Variants in CERK observed in about 807,000 individuals in gnomAD.
CERK encodes the protein ceramide kinase.
A neutral mutation model predicts 63.4 loss-of-function variants in CERK; 39 were observed. The ratio of observed to expected loss-of-function variants is 0.61; its 90% CI spans 0.48 to 0.80. The LOEUF is 0.80. Ranked by LOEUF, CERK falls within the 30% of genes least tolerant of loss-of-function variation. The pLI, the probability that CERK is intolerant of heterozygous loss-of-function variation, is 0.00. For missense variants in CERK, 670 were observed against 714.1 expected (o/e 0.94, Z 0.70); for synonymous variants, 302 against 280.0 (o/e 1.08, Z -0.78).
At chr22:46,717,995 C>T (rs553808380) in intron 3 of CERK, among the ~76,000 whole-genome samples, 2 of 152,032 alleles carry the variant, frequency 1.3e-5, no homozygotes, top group South Asian at 2.1e-4. Context: ...ACAGGAGAAT[C>T]GCTTGAACCC....
intron 8 of CERK, among the ~76,000 whole-genome samples, chr22:46,697,844 A>T (rs1024744143): frequency 2.0e-5 from 3 of 152,208 alleles, no homozygotes; most frequent in Non-Finnish European, 4.4e-5. Flanking sequence ...TCCAGCGTTT[A>T]AAAGCTGGTG....
chr22:46,722,931 C>T (rs532705969), intron 1 of CERK, among the ~76,000 whole-genome samples: 2 of 152,038 alleles, frequency 1.3e-5, no homozygotes, highest in African/African-American at 2.4e-5. Context: ...AGGAAGGCGA[C>T]GTAGGGGCAG....
intron 1 of CERK, among the ~76,000 whole-genome samples, chr22:46,731,997 G>A (rs1223898162): frequency 1.3e-5 from 2 of 152,200 alleles, no homozygotes; most frequent in African/African-American, 4.8e-5. Context: ...AGCAGGAGGG[G>A]TCGGGAGGGG....
chr22:46,721,831 G>A (rs1311580919), intron 1 of CERK, among the ~76,000 whole-genome samples: 3 of 152,170 alleles, frequency 2.0e-5, no homozygotes, highest in Non-Finnish European at 4.4e-5. Flanking sequence ...GGGGATGACA[G>A]CACCGGACAT....
chr22:46,700,037 C>T (rs532468771), intron 7 of CERK, among the ~76,000 whole-genome samples: 131 of 151,568 alleles, frequency 8.6e-4, no homozygotes, highest in African/African-American at 2.9e-3. Context: ...TGCAGTGAGC[C>T]GAGATCATAC....
chr22:46,733,290 TTTATTA>T (rs910526925), intron 1 of CERK, among the ~76,000 whole-genome samples: 17 of 150,862 alleles, frequency 1.1e-4, no homozygotes, highest in Non-Finnish European at 2.1e-4. Context: ...TTATTTTTAT[TTTATTA>T]TTATTATTAT....
chr22:46,727,833 C>G lies in CERK; in HGVS notation c.143-6818G>C, dbSNP rs983380146. On this transcript the variant is annotated intron_variant, in intron 1 of 12. Transcript: ENST00000216264. ...CCCAACACTCCCCTGGCCCAGCCACCCCCCCCGGCCCTGCCACCCCCGCGG... is the reference window on the plus strand; with the variant it reads ...CCCAACACTCCCCTGGCCCAGCCACGCCCCCCGGCCCTGCCACCCCCGCGG... Among the ~76,000 whole-genome samples, 18 of 14,532 alleles carry G rather than the reference C, an allele frequency of 1.2e-3. No individual in the cohort carries two copies. The Admixed American group carries it at 0.024, about 19-fold the overall frequency. 9.5% of individuals were successfully genotyped at this position (14,532 alleles called of 152,430 possible). A position where few individuals can be genotyped will look rare whatever the true frequency, so the allele number is the denominator to read the frequency against.
intron 6 of CERK, among the ~76,000 whole-genome samples, chr22:46,706,054 C>T (rs564470941): frequency 2.0e-5 from 3 of 152,350 alleles, no homozygotes; most frequent in South Asian, 2.1e-4. Flanking sequence ...AAAGACAAGC[C>T]GTGATCTGTG....
chr22:46,734,063 C>CATAT (rs1429583176), intron 1 of CERK, among the ~76,000 whole-genome samples: 2 of 100,768 alleles, frequency 2.0e-5, no homozygotes, highest in African/African-American at 6.7e-5. Context: ...TATATACATA[C>CATAT]ATACATATAT....
intron 12 of CERK, among the ~76,000 whole-genome samples, chr22:46,689,080 C>T (rs1250126866): frequency 6.6e-6 from 1 of 152,266 alleles, no homozygotes; most frequent in Non-Finnish European, 1.5e-5. Context: ...ACCCTCCGCC[C>T]AGCCAGCCAG....
chr22:46,723,717 T>G (rs146739325), intron 1 of CERK, among the ~76,000 whole-genome samples: 6 of 152,202 alleles, frequency 3.9e-5, no homozygotes, highest in African/African-American at 1.2e-4. Flanking sequence ...TTCTTTTTTT[T>G]TTGTTTTTGA....
chr22:46,736,418 C>T (rs1285119254), intron 1 of CERK, among the ~76,000 whole-genome samples: 1 of 152,250 alleles, frequency 6.6e-6, no homozygotes, highest in Non-Finnish European at 1.5e-5. Context: ...TCACTTCCAG[C>T]CCCTGCAGAT....
At chr22:46,721,777 C>G (rs1161510910) in intron 1 of CERK, among the ~76,000 whole-genome samples, 1 of 152,162 alleles carries the variant, frequency 6.6e-6, no homozygotes, top group African/African-American at 2.4e-5. Flanking sequence ...GTGGCGCGAA[C>G]TGGAGTGCAG....
intron 1 of CERK, among the ~76,000 whole-genome samples, chr22:46,735,838 G>A (rs1333491555): frequency 2.6e-5 from 4 of 152,192 alleles, no homozygotes; most frequent in East Asian, 1.9e-4. Context: ...TAGAAGAATC[G>A]AACCTGGGCC....
intron 1 of CERK, among the ~76,000 whole-genome samples, chr22:46,721,256 A>C (rs1299597249): frequency 6.6e-6 from 1 of 152,046 alleles, no homozygotes; most frequent in Non-Finnish European, 1.5e-5. Context: ...TGGCAACAGC[A>C]CAAGACCCCA....
intron 9 of CERK, 105 bp from the exon 10 acceptor site, chr22:46,693,608 T>A: frequency 1.0e-6 from 1 of 990,304 alleles, no homozygotes; most frequent in Non-Finnish European, 1.6e-6. Context: ...TACGAAAAAA[T>A]TCCATTTCAA....
chr22:46,730,020 C>A (rs1177016568), intron 1 of CERK, among the ~76,000 whole-genome samples: 4 of 150,696 alleles, frequency 2.7e-5, no homozygotes, highest in Non-Finnish European at 5.9e-5. Context: ...GCCTGGGTGA[C>A]AGATCGAGAC....
intron 4 of CERK, among the ~76,000 whole-genome samples, chr22:46,711,660 T>C (rs542729024): frequency 6.6e-6 from 1 of 152,368 alleles, no homozygotes; most frequent in South Asian, 2.1e-4. Flanking sequence ...GTTGCCCTTT[T>C]ATCTTCCTAG....
At chr22:46,687,658 T>A (rs1221875104) in intron 12 of CERK, among the ~76,000 whole-genome samples, 1 of 143,746 alleles carries the variant, frequency 7.0e-6, no homozygotes, top group Admixed American at 6.9e-5. Flanking sequence ...GGCGACTCAA[T>A]GCGTGTAAGA....
Sources: gnomAD v4.1 joint callset for allele counts (sites outside exome capture counted in the v4.1 genomes callset) on GRCh38, gnomAD v4.1.1 for gene constraint, MANE v1.5 for transcripts, NCBI Gene and HGNC (gene_info 2026-07-23, HGNC 2026-07-21) for gene names.